The following NR3C1 variants were observed in gnomAD, a reference collection of about 807,000 sequenced individuals.
NR3C1 encodes the protein nuclear receptor subfamily 3 group C member 1.
In NR3C1, 14 loss-of-function variants were observed where a neutral mutation model predicts 74.0. The observed-to-expected ratio is 0.19, with a 90% CI of 0.12 to 0.30. The LOEUF (loss-of-function observed/expected upper bound fraction) is 0.30. NR3C1 is among the 10% of genes least tolerant of loss of function. NR3C1 has a pLI of 1.00. For synonymous variants in NR3C1, 308 were observed against 332.5 expected (o/e 0.93, Z 0.80); for missense variants, 695 against 909.8 (o/e 0.76, Z 3.04).
intron 7 of NR3C1, among the ~76,000 whole-genome samples, chr5:143,288,779 G>A (rs1026509699): frequency 3.3e-5 from 5 of 152,020 alleles, no homozygotes; most frequent in Non-Finnish European, 7.4e-5. Flanking sequence ...AGCCCCAAAA[G>A]ACTTTTTGGT....
intron 2 of NR3C1, among the ~76,000 whole-genome samples, chr5:143,321,457 C>T (rs552742713): frequency 6.6e-6 from 1 of 152,248 alleles, no homozygotes; most frequent in African/African-American, 2.4e-5. Context: ...CATGCCTTCT[C>T]TCACCTCTTG....
At chr5:143,421,389 A>G (rs1001274018) in intron 1 of NR3C1, among the ~76,000 whole-genome samples, 1 of 152,168 alleles carries the variant, frequency 6.6e-6, no homozygotes, top group African/African-American at 2.4e-5. Flanking sequence ...GCTGCTTGTT[A>G]GCTACAGTGA....
intron 1 of NR3C1, among the ~76,000 whole-genome samples, chr5:143,419,302 G>A (rs893799758): frequency 1.3e-5 from 2 of 152,040 alleles, no homozygotes; most frequent in African/African-American, 4.8e-5. Context: ...CCAAGGACAC[G>A]GGCATATTCA....
Position 143,281,319 on chromosome 5 carries a change from G to T in NR3C1, c.*570C>A, listed in dbSNP as rs1056580306. 6.5e-6 allele frequency: 1 copy of T among 153,582 alleles called. No homozygotes were observed. The highest frequency in any genetic ancestry group is 2.4e-5 in the African/African-American group (1 of 41,392). 9.5% of individuals were successfully genotyped at this position (153,582 alleles called of 1,614,324 possible). ...TACAATAACTTGAATAAAAAATTAT[G>T]TAAGAAAAAATGAGCAAGCGTAGTT... is the stretch of plus-strand genomic sequence containing the variant. On this transcript the variant is annotated 3_prime_UTR_variant, in exon 9 of 9. Transcript: ENST00000394464.
chr5:143,341,433 C>T (rs1361151224), intron 2 of NR3C1, among the ~76,000 whole-genome samples: 3 of 152,170 alleles, frequency 2.0e-5, no homozygotes, highest in Non-Finnish European at 1.5e-5. Context: ...AAACAAAAGT[C>T]AGTCACTCAG....
At chr5:143,373,713 A>G (rs1209241856) in intron 2 of NR3C1, among the ~76,000 whole-genome samples, 1 of 152,198 alleles carries the variant, frequency 6.6e-6, no homozygotes, top group East Asian at 1.9e-4. Flanking sequence ...AGGTAGTAAA[A>G]TCATAAAACA....
chr5:143,349,161 ATATT>A (rs1051064397), intron 2 of NR3C1, among the ~76,000 whole-genome samples: 1 of 152,094 alleles, frequency 6.6e-6, no homozygotes, highest in Non-Finnish European at 1.5e-5. Context: ...CAGTGGTAGT[ATATT>A]CTTTCTTAGT....
intron 2 of NR3C1, among the ~76,000 whole-genome samples, chr5:143,342,939 C>A (rs1828524437): frequency 6.6e-6 from 1 of 152,158 alleles, no homozygotes; most frequent in South Asian, 2.1e-4. Context: ...GAAGAGAAGA[C>A]AGTCATGTGT....
rs1261399994 is a variant in NR3C1 at position 143,366,719 on chromosome 5, T to A, written c.1184+32937A>T. Among the ~76,000 whole-genome samples the A allele has an allele frequency of 2.0e-5, 3 of 151,972 alleles. No individual in the cohort carries two copies. The East Asian group carries it at 5.8e-4, about 29-fold the overall frequency. Reference sequence around the variant, plus strand: ...TAACCAATTAGATAACTACATGAAATGAACAAATTCCTCAACCAACTGTCA... The same window carrying A: ...TAACCAATTAGATAACTACATGAAAAGAACAAATTCCTCAACCAACTGTCA... On this transcript the variant is annotated intron_variant, in intron 2 of 8. Coordinates refer to ENST00000394464, the MANE Select transcript of NR3C1 (RefSeq NM_000176.3).
intron 7 of NR3C1, among the ~76,000 whole-genome samples, chr5:143,284,578 C>T (rs1813889759): frequency 6.6e-6 from 1 of 151,826 alleles, no homozygotes; most frequent in African/African-American, 2.4e-5. Flanking sequence ...AGTCCTAATT[C>T]TAAAAATAAC....
chr5:143,372,559 T>G (rs1214358107), intron 2 of NR3C1, among the ~76,000 whole-genome samples: 1 of 152,250 alleles, frequency 6.6e-6, no homozygotes, highest in Non-Finnish European at 1.5e-5. Context: ...TGCGGGTAAC[T>G]GAAACCTTGG....
chr5:143,341,842 A>T (rs1828284390), intron 2 of NR3C1, among the ~76,000 whole-genome samples: 1 of 152,232 alleles, frequency 6.6e-6, no homozygotes, highest in African/African-American at 2.4e-5. Context: ...AAATTTTATT[A>T]TGAATTGAAC....
chr5:143,287,348 G>A (rs1358424497), intron 7 of NR3C1, among the ~76,000 whole-genome samples: 4 of 151,894 alleles, frequency 2.6e-5, no homozygotes, highest in African/African-American at 4.8e-5. Context: ...TATAATGGAG[G>A]GGACACCTCT....
chr5:143,429,852 G>T (rs1751720627), intron 1 of NR3C1, among the ~76,000 whole-genome samples: 1 of 152,042 alleles, frequency 6.6e-6, no homozygotes, highest in Non-Finnish European at 1.5e-5. Flanking sequence ...GGCCGAGGTG[G>T]GCAGATCACC....
chr5:143,324,574 T>G (rs1159632595), intron 2 of NR3C1, among the ~76,000 whole-genome samples: 1 of 152,194 alleles, frequency 6.6e-6, no homozygotes, highest in Admixed American at 6.5e-5. Context: ...GACATGGCCA[T>G]GGAGACATTT....
Position 143,288,410 on chromosome 5 carries a change from C to T in NR3C1, c.2024-5685G>A, listed in dbSNP as rs777181459. On this transcript the variant is annotated intron_variant, in intron 7 of 8. Transcript: ENST00000394464. The stretch of plus-strand genomic sequence containing the variant: ...CTGGAATTACAGGCGTGAGCCATAG[C>T]GCCCGGCCAGAAATTGGAAATTTAA... 8.5e-5 allele frequency among the ~76,000 whole-genome samples: 13 copies of T among 152,172 alleles called. No homozygotes were observed. The East Asian group carries it at 2.3e-3, about 27-fold the overall frequency.
In NR3C1 at chr5:143,300,712, A is replaced by G. The variant is rs747467732; in HGVS notation, c.1520T>C (p.Val507Ala). The change falls in exon 5 of 9, where the codon GTC (valine) becomes GCC (alanine). Residue 507 changes from valine to alanine, a missense_variant. Around this residue, in one of 4 missense-constraint regions of NR3C1, gnomAD observed 42 missense variants for 49.3 expected, o/e 0.85. Transcript: ENST00000394464. This position sits in a 1 kb window ranked among gnomAD's most constrained non-coding sequence, Gnocchi z 5.2. ...IKGIQQATTG[V>A]SQETSENPGN... The stretch of plus-strand genomic sequence containing the variant: ...AGGATTTTCAGAGGTTTCTTGTGAG[A>G]CTCCTGTAGTGGCCTGCTGAATTCC... The G allele has an allele frequency of 4.3e-6, 7 of 1,613,678 alleles. No homozygotes were observed. The highest frequency in any genetic ancestry group is 5.9e-6 in the Non-Finnish European group (7 of 1,179,888).
At position 143,403,582 on chromosome 5, in the gene NR3C1, C is replaced by G. The variant is rs1388543048; in HGVS notation, c.-385G>C. The G allele has an allele frequency of 1.0e-6, 1 of 986,144 alleles. No homozygotes were observed. Among genetic ancestry groups the G allele is most frequent in the Non-Finnish European group, 1.2e-6 (1 of 830,600 alleles). The allele number at this position is 986,144 out of a possible 1,614,324, so 61.1% of individuals were successfully genotyped here. ...GGCTCCCGTCACAGACACGAGCTCG[C>G]AAAATGGAGGAGGCGGCGGCGGAGG... is the stretch of plus-strand genomic sequence containing the variant. On this transcript the variant is annotated 5_prime_UTR_variant, in exon 1 of 9. Coordinates refer to ENST00000394464, the MANE Select transcript of NR3C1 (RefSeq NM_000176.3).
chr5:143,284,841 T>C (rs1813976786), intron 7 of NR3C1, among the ~76,000 whole-genome samples: 1 of 152,162 alleles, frequency 6.6e-6, no homozygotes, highest in Non-Finnish European at 1.5e-5. Context: ...TAAACCTTTG[T>C]GCTTGAAAGT....
Sources: gnomAD v4.1 joint callset for allele counts (sites outside exome capture counted in the v4.1 genomes callset) on GRCh38, gnomAD v4.1.1 for gene constraint, gnomAD v4.1.1 regional missense constraint, Gnocchi (gnomAD v3.1) non-coding constraint, MANE v1.5 for transcripts, NCBI Gene and HGNC (gene_info 2026-07-23, HGNC 2026-07-21) for gene names.